The following ARHGAP24 variants were observed in gnomAD, a reference collection of about 807,000 sequenced individuals.
ARHGAP24 encodes the protein Rho GTPase activating protein 24.
A neutral mutation model predicts 76.4 loss-of-function variants in ARHGAP24; 50 were observed. That is an observed-to-expected ratio of 0.65 (90% CI 0.52 to 0.83). The LOEUF is 0.83. ARHGAP24 is among the 40% of genes least tolerant of loss of function. The probability of loss-of-function intolerance (pLI) is 0.00; values close to 1 mark genes in which losing one functional copy is unlikely to be tolerated. For missense variants in ARHGAP24, 930 were observed against 914.2 expected, an observed-to-expected ratio of 1.02 and a Z score of -0.22; for synonymous variants, 345 against 323.3, an observed-to-expected ratio of 1.07 and a Z score of -0.72.
rs191020552 is a variant in ARHGAP24 at position 86,000,738 on chromosome 4, C to T, written c.*16C>T. ...GATTCAGTGAGCCTGCTTTCGCCTG[C>T]TGTCTCTGATGGCTCTGGCAAGGAC... On this transcript the variant is annotated 3_prime_UTR_variant, in exon 10 of 10. Coordinates refer to ENST00000395184, the MANE Select transcript of ARHGAP24 (RefSeq NM_001025616.3). 2 of 1,613,402 alleles carry T rather than the reference C, an allele frequency of 1.2e-6. No homozygotes were observed. Among genetic ancestry groups the T allele is most frequent in the East Asian group, 2.2e-5 (1 of 44,834 alleles).
intron 3 of ARHGAP24, among the ~76,000 whole-genome samples, chr4:85,874,838 ATT>A (rs538972249): frequency 0.015 from 190 of 12,832 alleles, 14 homozygotes; most frequent in African/African-American, 0.038. Context: ...TATAAAATAT[ATT>A]TTTATATAAT....
chr4:85,819,492 C>A (rs1729377968), intron 3 of ARHGAP24, among the ~76,000 whole-genome samples: 1 of 151,800 alleles, frequency 6.6e-6, no homozygotes. Flanking sequence ...GTTAGGTTTT[C>A]CTTGTTTTTC....
chr4:85,817,447 G>C (rs1213272184), intron 3 of ARHGAP24, among the ~76,000 whole-genome samples: 1 of 152,094 alleles, frequency 6.6e-6, no homozygotes, highest in East Asian at 1.9e-4. Context: ...TGTGAGTTAA[G>C]GGTCCAATTT....
intron 3 of ARHGAP24, among the ~76,000 whole-genome samples, chr4:85,750,282 C>T (rs1429344843): frequency 1.3e-5 from 2 of 151,956 alleles, no homozygotes; most frequent in African/African-American, 4.8e-5. Context: ...ATAGTGAGAT[C>T]AGAGATTTCT....
intron 5 of ARHGAP24, among the ~76,000 whole-genome samples, chr4:85,968,451 C>T (rs1738762230): frequency 6.6e-6 from 1 of 152,112 alleles, no homozygotes; most frequent in African/African-American, 2.4e-5. Flanking sequence ...GCAATTAACA[C>T]ATATTATTGA....
intron 2 of ARHGAP24, among the ~76,000 whole-genome samples, chr4:85,634,019 A>G (rs184981017): frequency 3.0e-4 from 46 of 151,970 alleles, no homozygotes; most frequent in Non-Finnish European, 4.9e-4. Context: ...AATTCCTCCT[A>G]TGTAAATGAC....
intron 1 of ARHGAP24, among the ~76,000 whole-genome samples, chr4:85,492,296 T>A (rs796887689): frequency 4.6e-5 from 7 of 152,286 alleles, no homozygotes; most frequent in African/African-American, 1.4e-4. Flanking sequence ...GCTATCCTGG[T>A]CGATATCTTC....
chr4:85,570,870 C>A, intron 2 of ARHGAP24, 149 bp downstream of exon 2: 2 of 879,430 alleles, frequency 2.3e-6, no homozygotes, highest in Non-Finnish European at 3.4e-6. Context: ...CCATTGCTTG[C>A]TTTGAGTTGG....
chr4:85,613,196 C>G (rs1276371552), intron 2 of ARHGAP24, among the ~76,000 whole-genome samples: 1 of 152,070 alleles, frequency 6.6e-6, no homozygotes, highest in Non-Finnish European at 1.5e-5. Context: ...ATAAACAACA[C>G]TAAGTTTATG....
chr4:85,658,415 A>AT (rs1722258330), intron 2 of ARHGAP24, among the ~76,000 whole-genome samples: 1 of 152,180 alleles, frequency 6.6e-6, no homozygotes. Context: ...TGCTTAAAAA[A>AT]TTGCTCTAGT....
At chr4:85,662,395 T>C (rs1722429076) in intron 2 of ARHGAP24, among the ~76,000 whole-genome samples, 1 of 151,014 alleles carries the variant, frequency 6.6e-6, no homozygotes, top group Non-Finnish European at 1.5e-5. Context: ...TTGTTTGAGT[T>C]CATTGTAGAT....
At chr4:85,911,227 G>A (rs72972060) in intron 3 of ARHGAP24, among the ~76,000 whole-genome samples, 2,074 of 152,214 alleles carry the variant, frequency 0.014, 43 homozygotes, top group African/African-American at 0.045. Flanking sequence ...GGGAGCTCCC[G>A]CCCTAACTCG....
intron 3 of ARHGAP24, among the ~76,000 whole-genome samples, chr4:85,732,528 C>T (rs1725444464): frequency 6.6e-6 from 1 of 152,054 alleles, no homozygotes; most frequent in African/African-American, 2.4e-5. Context: ...AGATAAAACC[C>T]TAAGGACCAT....
intron 3 of ARHGAP24, among the ~76,000 whole-genome samples, chr4:85,753,751 A>G (rs769745868): frequency 6.6e-6 from 1 of 152,154 alleles, no homozygotes; most frequent in Non-Finnish European, 1.5e-5. Flanking sequence ...TTATTAAGCA[A>G]TGTCTTTCAT....
intron 2 of ARHGAP24, among the ~76,000 whole-genome samples, chr4:85,590,901 AAAAAAT>A (rs1728067855): frequency 6.6e-6 from 1 of 152,128 alleles, no homozygotes; most frequent in African/African-American, 2.4e-5. Context: ...ATGTACAGGA[AAAAAAT>A]AAAGAGTAGT....
intron 3 of ARHGAP24, among the ~76,000 whole-genome samples, chr4:85,876,346 T>C (rs1411170789): frequency 6.6e-6 from 1 of 152,220 alleles, no homozygotes; most frequent in Non-Finnish European, 1.5e-5. Flanking sequence ...CTTTAATCTT[T>C]AGTTTGTTGG....
intron 1 of ARHGAP24, among the ~76,000 whole-genome samples, chr4:85,489,918 G>A (rs1412952806): frequency 1.3e-5 from 2 of 152,094 alleles, no homozygotes; most frequent in Non-Finnish European, 2.9e-5. Flanking sequence ...TTAGTTTGAT[G>A]TAACGAAGAT....
At chr4:85,737,770 A>G (rs1479768685) in intron 3 of ARHGAP24, among the ~76,000 whole-genome samples, 1 of 152,226 alleles carries the variant, frequency 6.6e-6, no homozygotes, top group African/African-American at 2.4e-5. Context: ...AACAATGTTA[A>G]TAAATTGTAT....
intron 2 of ARHGAP24, among the ~76,000 whole-genome samples, chr4:85,683,117 TGG>T (rs201448168): frequency 0.018 from 1,051 of 56,972 alleles, 30 homozygotes; most frequent in African/African-American, 0.053. Flanking sequence ...TGTGGGGGGG[TGG>T]GGGGGGGGTG....
Sources: gnomAD v4.1 joint callset for allele counts (sites outside exome capture counted in the v4.1 genomes callset) on GRCh38, gnomAD v4.1.1 for gene constraint, MANE v1.5 for transcripts, NCBI Gene and HGNC (gene_info 2026-07-23, HGNC 2026-07-21) for gene names.